SIRPB2: variants seen among roughly 807,000 people sequenced by gnomAD.
SIRPB2 encodes signal-regulatory protein beta-2.
A neutral mutation model predicts 27.1 loss-of-function variants in SIRPB2; 18 were observed. The ratio of observed to expected loss-of-function variants is 0.66; its 90% CI spans 0.46 to 0.98. The LOEUF is 0.98. Ranked by LOEUF, SIRPB2 falls within the 50% of genes least tolerant of loss-of-function variation. SIRPB2 has a pLI of 0.00. For missense variants in SIRPB2, 420 were observed against 417.4 expected (o/e 1.01, Z -0.06); for synonymous variants, 150 against 164.6 (o/e 0.91, Z 0.68).
intron 1 of SIRPB2, among the ~76,000 whole-genome samples, chr20:1,484,736 T>A (rs1273695795): frequency 1.3e-5 from 2 of 151,202 alleles, no homozygotes; most frequent in Non-Finnish European, 3.0e-5. Flanking sequence ...CACAAATATA[T>A]GCTGGTAAGG....
At chr20:1,490,580 T>G (rs747747268) in intron 1 of SIRPB2, among the ~76,000 whole-genome samples, 1 of 152,206 alleles carries the variant, frequency 6.6e-6, no homozygotes, top group Admixed American at 6.5e-5. Flanking sequence ...AAATCTTTGT[T>G]ATGCCAGGCA....
chr20:1,471,101 A>G (rs1290960689), downstream of SIRPB2: 1 of 152,266 alleles, frequency 6.6e-6, no homozygotes, highest in Admixed American at 6.5e-5. Context: ...CTTTCTTCCA[A>G]GCAGACAAGA....
intron 1 of SIRPB2, among the ~76,000 whole-genome samples, chr20:1,482,135 G>A (rs111681917): frequency 6.6e-6 from 1 of 152,134 alleles, no homozygotes; most frequent in Non-Finnish European, 1.5e-5. Flanking sequence ...TTATGACATC[G>A]ATAGAATAAA....
chr20:1,476,365 G>A (rs1441070337), intron 4 of SIRPB2, 29 bp from the exon 5 acceptor site: 18 of 1,593,948 alleles, frequency 1.1e-5, no homozygotes, highest in Non-Finnish European at 1.5e-5. Flanking sequence ...AGCTCAGGCG[G>A]GACCCGTGGT....
At chr20:1,472,476 C>T (rs1275649705), downstream of SIRPB2, among the ~76,000 whole-genome samples, 2 of 152,112 alleles carry the variant, frequency 1.3e-5, no homozygotes, top group Non-Finnish European at 2.9e-5. Flanking sequence ...CGATAAGGGG[C>T]CCAGGCACTG....
At chr20:1,491,152 G>A (rs1034573616) in intron 1 of SIRPB2, 123 bp downstream of exon 1, 10 of 847,644 alleles carry the variant, frequency 1.2e-5, no homozygotes, top group Non-Finnish European at 1.7e-5. Flanking sequence ...CAAATTTTCA[G>A]TGGACCCCTC....
intron 4 of SIRPB2, chr20:1,476,843 C>T: frequency 1.8e-6 from 2 of 1,093,964 alleles, no homozygotes; most frequent in East Asian, 1.6e-4. Flanking sequence ...GTGCTAGGCA[C>T]AGTTCTGGAC....
chr20:1,480,896 G>C (rs2090664751), intron 1 of SIRPB2, among the ~76,000 whole-genome samples: 1 of 152,206 alleles, frequency 6.6e-6, no homozygotes, highest in African/African-American at 2.4e-5. Context: ...ACCCTTCAGA[G>C]ACATAGGTTT....
chr20:1,471,615 T>C (rs2090581365), downstream of SIRPB2, among the ~76,000 whole-genome samples: 1 of 152,212 alleles, frequency 6.6e-6, no homozygotes, highest in Admixed American at 6.5e-5. Context: ...CTCAGGCCAA[T>C]GACATGTAGC....
At position 1,478,499 on chromosome 20, in the gene SIRPB2, G is replaced by A. The variant is rs761693247; in HGVS notation, c.560C>T (p.Pro187Leu). The change falls in exon 3 of 5, where the codon CCC (proline) becomes CTC (leucine). Residue 187 changes from proline to leucine, a missense_variant. Transcript: ENST00000359801. ...CTGGAACCACCTGATGGGTCCAGGG[G>A]GACCGTCTCCAAGCACTGTGCAGTT... ...FLNCTVLGDG[P>L]PGPIRWFQGA... The A allele has an allele frequency of 1.9e-6, 3 of 1,614,106 alleles. No homozygotes were observed. The highest frequency in any genetic ancestry group is 4.5e-5 in the East Asian group (2 of 44,880).
chr20:1,473,442 G>T (rs578234194), downstream of SIRPB2, among the ~76,000 whole-genome samples: 1 of 151,906 alleles, frequency 6.6e-6, no homozygotes, highest in South Asian at 2.1e-4. Flanking sequence ...ACACATGCAT[G>T]CACACACACC....
At chr20:1,474,165 C>A (rs921275153), downstream of SIRPB2, among the ~76,000 whole-genome samples, 1 of 152,138 alleles carries the variant, frequency 6.6e-6, no homozygotes. Context: ...CAGGGTAAAC[C>A]CCCACCCCCA....
chr20:1,487,993 C>A (rs758400537), intron 1 of SIRPB2, among the ~76,000 whole-genome samples: 1 of 152,146 alleles, frequency 6.6e-6, no homozygotes, highest in South Asian at 2.1e-4. Context: ...CAACTTCTAG[C>A]TGCAAACATG....
At chr20:1,476,893 C>T (rs1389786779) in intron 4 of SIRPB2, 7 of 1,158,774 alleles carry the variant, frequency 6.0e-6, no homozygotes, top group Non-Finnish European at 6.5e-6. Flanking sequence ...CACACAACCC[C>T]ATGAAGTAGG....
chr20:1,477,991 T>A (rs1446897379), intron 3 of SIRPB2: 5 of 579,492 alleles, frequency 8.6e-6, no homozygotes, highest in Non-Finnish European at 6.5e-6. Flanking sequence ...GTTGAATTAT[T>A]AATGATCTAT....
At chr20:1,486,586 C>T (rs1198755675) in intron 1 of SIRPB2, among the ~76,000 whole-genome samples, 1 of 152,006 alleles carries the variant, frequency 6.6e-6, no homozygotes, top group Non-Finnish European at 1.5e-5. Flanking sequence ...ATTCAGCAAT[C>T]AGCAATATTT....
chr20:1,484,034 C>T (rs115920373), intron 1 of SIRPB2, among the ~76,000 whole-genome samples: 1,625 of 152,126 alleles, frequency 0.011, 34 homozygotes, highest in African/African-American at 0.038. Flanking sequence ...ACCAATGGCA[C>T]AGAATAGAAA....
Position 1,479,999 on chromosome 20 carries a change from G to A in SIRPB2, c.152C>T (p.Ala51Val), listed in dbSNP as rs1477536783. The change falls in exon 2 of 5, where the codon GCA (alanine) becomes GTA (valine). Residue 51 changes from alanine (A) to valine (V), a missense_variant. Physicochemically the swap from Ala to Val is moderately conservative, Grantham distance 64 (BLOSUM62 0). Coordinates refer to ENST00000359801, the MANE Select transcript of SIRPB2 (RefSeq NM_001122962.2). Reference sequence around the variant, plus strand: ...CCTCAGTAGAAGTGTCTCACCTTCTGCCACCAGCATGGGGCCCTCGGGCTG... The same window carrying A: ...CCTCAGTAGAAGTGTCTCACCTTCTACCACCAGCATGGGGCCCTCGGGCTG... ...VLQPEGPMLV[A>V]EGETLLLRCM... 6.2e-7 allele frequency: 1 copy of A among 1,614,032 alleles called. No individual in the cohort carries two copies. The highest frequency in any genetic ancestry group is 8.5e-7 in the Non-Finnish European group (1 of 1,180,044).
intron 1 of SIRPB2, among the ~76,000 whole-genome samples, chr20:1,480,608 T>C (rs901297902): frequency 1.3e-5 from 2 of 152,166 alleles, no homozygotes; most frequent in South Asian, 2.1e-4. Context: ...AACATACGCA[T>C]GCAGGGGGAA....
Sources: allele counts gnomAD v4.1 joint callset (sites outside exome capture counted in the v4.1 genomes callset), GRCh38; gene constraint gnomAD v4.1.1; transcripts MANE v1.5; gene names NCBI Gene and HGNC (gene_info 2026-07-23, HGNC 2026-07-21).